The following SLC2A6 variants were observed in gnomAD, a reference collection of about 807,000 sequenced individuals.
The protein encoded by SLC2A6 is solute carrier family 2, facilitated glucose transporter member 6.
In SLC2A6, 39 loss-of-function variants were observed where a neutral mutation model predicts 47.8. The observed-to-expected ratio is 0.82, with a 90% confidence interval of 0.63 to 1.07. The LOEUF (loss-of-function observed/expected upper bound fraction) is 1.07. SLC2A6 is among the 50% of genes least tolerant of loss of function. SLC2A6 has a pLI of 0.00. For missense variants in SLC2A6, 650 were observed against 707.6 expected (o/e 0.92, Z 0.92); for synonymous variants, 346 against 324.1 (o/e 1.07, Z -0.73).
chr9:133,471,659 A>G lies in SLC2A6; in HGVS notation c.*362T>C, dbSNP rs940918057. On this transcript the variant is annotated 3_prime_UTR_variant, in exon 10 of 10. Transcript: ENST00000371899. ...ATGACTACGTTACTTGGCTGCCTCC[A>G]GCCCTGTCCTCTCAGTCCTCCCCGT... is the stretch of plus-strand genomic sequence containing the variant. 4.3e-5 allele frequency: 9 copies of G among 210,392 alleles called. 1 individual carries two copies. The highest frequency in any genetic ancestry group is 2.1e-4 in the Admixed American group (4 of 18,666). The allele number at this position is 210,392 out of a possible 1,614,324, so 13.0% of individuals were successfully genotyped here.
chr9:133,472,579 C>G (rs1843766261), intron 9 of SLC2A6, among the ~76,000 whole-genome samples: 1 of 152,176 alleles, frequency 6.6e-6, no homozygotes, highest in East Asian at 1.9e-4. Context: ...CTGCCCTCCC[C>G]CAACCCCCCT....
At chr9:133,478,159 C>A (rs1844030333) in intron 2 of SLC2A6, 95 bp downstream of exon 2, 1 of 1,418,960 alleles carries the variant, frequency 7.0e-7, no homozygotes, top group African/African-American at 1.4e-5. Flanking sequence ...TGGAGGGACC[C>A]CCAAGGTGGA....
At chr9:133,475,843 T>G (rs1056562285) in intron 4 of SLC2A6, among the ~76,000 whole-genome samples, 2 of 152,068 alleles carry the variant, frequency 1.3e-5, no homozygotes, top group Non-Finnish European at 2.9e-5. Flanking sequence ...GAGGAAGGGG[T>G]AGGTTGGGCA....
At chr9:133,476,732 G>A (rs1554803455) in intron 3 of SLC2A6, among the ~76,000 whole-genome samples, 1 of 152,152 alleles carries the variant, frequency 6.6e-6, no homozygotes, top group East Asian at 1.9e-4. Flanking sequence ...GTAGGGCAGG[G>A]ACTTCCCTCT....
rs1055526484 is a variant in SLC2A6, at chr9:133,479,045, C to T, written c.15G>A (p.Leu5=). 10 of 1,598,338 alleles carry T rather than the reference C, an allele frequency of 6.3e-6. No individual in the cohort carries two copies. Among genetic ancestry groups the T allele is most frequent in the Non-Finnish European group, 8.5e-6 (10 of 1,175,764 alleles). The stretch of plus-strand genomic sequence containing the variant: ...CGTAGTCCGGGCCCTCGGCTCCCAG[C>T]AGCGGCTCCTGCATGGCCGGGTCTC... The part of the protein sequence containing the change: MQEP[L]LGAEGPDYDT... Residue 5 remains leucine, a synonymous_variant, in exon 1 of 10, where the codon CTG becomes CTA. Transcript: ENST00000371899.
chr9:133,475,093 A>G lies in SLC2A6; in HGVS notation c.795T>C (p.Ala265=). Residue 265 remains alanine (A), a synonymous_variant, in exon 6 of 10, where the codon GCT becomes GCC. Transcript: ENST00000371899. ...VRRQSSRVSW[A]EARAPHVCRP... is the part of the protein sequence containing the mutation. ...GGCACACGTGTGGGGCCCGTGCCTC[A>G]GCCCACGATACTCGGCTGCTCTGAA... 3 of 1,582,068 alleles carry G rather than the reference A, an allele frequency of 1.9e-6. No homozygotes were observed. The highest frequency in any genetic ancestry group is 1.1e-5 in the South Asian group (1 of 87,006).
chr9:133,471,938 T>A lies in SLC2A6; in HGVS notation c.*83A>T. On this transcript the variant is annotated 3_prime_UTR_variant, in exon 10 of 10. Coordinates refer to ENST00000371899, the MANE Select transcript of SLC2A6 (RefSeq NM_017585.4). ...GCTGGTGGCAGGGATGACTGCTGCCTCTTGGTCCCAGGGTGCAGGTTTGTA... is the reference window on the plus strand; with the variant it reads ...GCTGGTGGCAGGGATGACTGCTGCCACTTGGTCCCAGGGTGCAGGTTTGTA... 6.7e-7 allele frequency: 1 copy of A among 1,491,184 alleles called. No homozygotes were observed. Among genetic ancestry groups the A allele is most frequent in the Non-Finnish European group, 9.1e-7 (1 of 1,099,942 alleles). 92.4% of individuals were successfully genotyped at this position (1,491,184 alleles called of 1,614,324 possible).
intron 9 of SLC2A6, 134 bp from the exon 10 acceptor site, chr9:133,472,310 G>C: frequency 1.0e-6 from 1 of 1,004,872 alleles, no homozygotes. Flanking sequence ...TTCAGAGACC[G>C]CCCCCCCACA....
At position 133,473,533 on chromosome 9, in the gene SLC2A6, G is replaced by A; in HGVS notation, c.1104C>T (p.Ser368=). 1 of 1,588,804 alleles carries A rather than the reference G, an allele frequency of 6.3e-7. No individual in the cohort carries two copies. Among genetic ancestry groups the A allele is most frequent in the Non-Finnish European group, 8.6e-7 (1 of 1,169,242 alleles). ...TTTCCAGGCCCGCAGTGCTGTTGGG[G>A]CTCAGAGGCCTGGGGCCAAAGTGGA... is the stretch of plus-strand genomic sequence containing the variant. ...LYIHFGPRPL[S]PNSTAGLESE... is the part of the protein sequence containing the mutation. The change falls in exon 8 of 10, where the codon AGC becomes AGT. Residue 368 remains serine (S), a synonymous_variant. Coordinates refer to ENST00000371899, the MANE Select transcript of SLC2A6 (RefSeq NM_017585.4).
Position 133,479,075 on chromosome 9 carries a change from G to C in SLC2A6, c.-16C>G, listed in dbSNP as rs782178922. 8 of 1,576,740 alleles carry C rather than the reference G, an allele frequency of 5.1e-6. No individual in the cohort carries two copies. Among genetic ancestry groups the C allele is most frequent in the South Asian group, 3.4e-5 (3 of 87,272 alleles). ...GCTCCTGCATGGCCGGGTCTCTCTC[G>C]GGGCGAGCGGAGGGCGCTCAGACTG... is the stretch of plus-strand genomic sequence containing the variant. On this transcript the variant is annotated 5_prime_UTR_variant, in exon 1 of 10. Coordinates refer to ENST00000371899, the MANE Select transcript of SLC2A6 (RefSeq NM_017585.4).
chr9:133,478,358 T>C lies in SLC2A6; in HGVS notation c.151A>G (p.Ser51Gly). The change falls in exon 2 of 10, where the codon AGC becomes GGC. Residue 51 changes from serine to glycine, a missense_variant. Physicochemically the swap from Ser to Gly is moderately conservative, Grantham distance 56 (BLOSUM62 0). Coordinates refer to ENST00000371899, the MANE Select transcript of SLC2A6 (RefSeq NM_017585.4). The stretch of plus-strand genomic sequence containing the variant: ...GTGTAGACCAGGGCATACCCAAAGC[T>C]GAAATTGCCGAGCACTGCGGCGAAG... The part of the protein sequence containing the change: ...ATFAAVLGNF[S>G]FGYALVYTSP... 6.2e-7 allele frequency: 1 copy of C among 1,614,104 alleles called. No homozygotes were observed. Among genetic ancestry groups the C allele is most frequent in the Non-Finnish European group, 8.5e-7 (1 of 1,180,010 alleles).
chr9:133,479,051 C>T lies in SLC2A6; in HGVS notation c.9G>A (p.Glu3=). 1 of 1,597,442 alleles carries T rather than the reference C, an allele frequency of 6.3e-7. No homozygotes were observed. The highest frequency in any genetic ancestry group is 8.5e-7 in the Non-Finnish European group (1 of 1,175,396). MQ[E]PLLGAEGPDY... is the part of the protein sequence containing the mutation. ...CCGGGCCCTCGGCTCCCAGCAGCGGCTCCTGCATGGCCGGGTCTCTCTCGG... is the reference window on the plus strand; with the variant it reads ...CCGGGCCCTCGGCTCCCAGCAGCGGTTCCTGCATGGCCGGGTCTCTCTCGG... The change falls in exon 1 of 10, where the codon GAG becomes GAA. Residue 3 remains glutamate, a synonymous_variant. Coordinates refer to ENST00000371899, the MANE Select transcript of SLC2A6 (RefSeq NM_017585.4).
rs782777517 is a variant in SLC2A6, at chr9:133,475,077, G to C, written c.811C>G (p.His271Asp). 1.8e-5 allele frequency: 28 copies of C among 1,596,896 alleles called. No individual in the cohort carries two copies. Among genetic ancestry groups the C allele is most frequent in the South Asian group, 3.4e-5 (3 of 88,570 alleles). The change falls in exon 6 of 10, where the codon CAC (histidine) becomes GAC (aspartate). Residue 271 changes from histidine to aspartate, a missense_variant. Physicochemically the swap from His to Asp is moderately conservative, Grantham distance 81. Coordinates refer to ENST00000371899, the MANE Select transcript of SLC2A6 (RefSeq NM_017585.4). ...RVSWAEARAPHVCRPITVALL... is the reference protein window; with the variant it reads ...RVSWAEARAPDVCRPITVALL... ...GCCACGGTGATGGGCCGGCACACGT[G>C]TGGGGCCCGTGCCTCAGCCCACGAT...
Position 133,475,582 on chromosome 9 carries a change from C to T in SLC2A6, c.592G>A (p.Val198Met), listed in dbSNP as rs1554803136. 1.9e-6 allele frequency: 3 copies of T among 1,604,400 alleles called. No individual in the cohort carries two copies. The highest frequency in any genetic ancestry group is 1.3e-5 in the African/African-American group (1 of 74,950). The change falls in exon 5 of 10, where the codon GTG becomes ATG. Residue 198 changes from valine to methionine, a missense_variant. Coordinates refer to ENST00000371899, the MANE Select transcript of SLC2A6 (RefSeq NM_017585.4). ...ATGAGCACAGGCGCCTCCCCGGCCACAGCCAGCCAGCGCCACGGCAGCAGG... is the reference window on the plus strand; with the variant it reads ...ATGAGCACAGGCGCCTCCCCGGCCATAGCCAGCCAGCGCCACGGCAGCAGG... ...GLLLPWRWLA[V>M]AGEAPVLIMI...
chr9:133,478,576 T>A lies in SLC2A6; in HGVS notation c.93-160A>T, dbSNP rs587702750. ...CCCAGGGCCTGAGCCCCAGCTCCCC[T>A]GGGAAATTCCCAGGCCATTGTTAGC... is the stretch of plus-strand genomic sequence containing the variant. On this transcript the variant is annotated intron_variant, in intron 1 of 9. Coordinates refer to ENST00000371899, the MANE Select transcript of SLC2A6 (RefSeq NM_017585.4). 75 of 750,446 alleles carry A rather than the reference T, an allele frequency of 1.0e-4. No homozygotes were observed. In the African/African-American group the frequency reaches 1.2e-3, roughly 12 times the overall value. 46.5% of individuals were successfully genotyped at this position (750,446 alleles called of 1,614,324 possible).
intron 1 of SLC2A6, 192 bp downstream of exon 1, chr9:133,478,776 C>A: frequency 1.7e-6 from 1 of 601,624 alleles, no homozygotes; most frequent in Non-Finnish European, 2.9e-6. Context: ...CCGGTACTCT[C>A]GTGGATCGTT....
At chr9:133,473,366 C>G (rs782417201) in intron 8 of SLC2A6, 49 bp downstream of exon 8, 5 of 1,544,398 alleles carry the variant, frequency 3.2e-6, no homozygotes, top group Non-Finnish European at 4.4e-6. Context: ...CATCACCCAT[C>G]CCTTAACACC....
chr9:133,478,702 C>G, intron 1 of SLC2A6: 1 of 589,790 alleles, frequency 1.7e-6, no homozygotes, highest in Non-Finnish European at 3.0e-6. Flanking sequence ...GCTGTGTGAC[C>G]TCAGGCAGAA....
In SLC2A6 at chr9:133,476,425, C is replaced by T. The variant is rs117965396; in HGVS notation, c.463-89G>A. 0.016 allele frequency: 18,879 copies of T among 1,162,516 alleles called. 208 individuals carry two copies. Among genetic ancestry groups the T allele is most frequent in the Non-Finnish European group, 0.021 (16,303 of 786,450 alleles). 72.0% of individuals were successfully genotyped at this position (1,162,516 alleles called of 1,614,324 possible). On this transcript the variant is annotated intron_variant, in intron 3 of 9. Transcript: ENST00000371899. Reference sequence around the variant, plus strand: ...TGGGAGAGTCAGCCCCTGTGAACCCCGGAAAGTGGGAAGTGGAGGCTTTCT... The same window carrying T: ...TGGGAGAGTCAGCCCCTGTGAACCCTGGAAAGTGGGAAGTGGAGGCTTTCT...
Sources: allele counts gnomAD v4.1 joint callset (sites outside exome capture counted in the v4.1 genomes callset), GRCh38; gene constraint gnomAD v4.1.1; transcripts MANE v1.5; gene names NCBI Gene and HGNC (gene_info 2026-07-23, HGNC 2026-07-21).